SMIM31: variants seen among roughly 807,000 people sequenced by gnomAD.
The protein encoded by SMIM31 is small integral membrane protein 31.
chr4:164,769,454 T>G (rs1440621813), intron 1 of SMIM31, among the ~76,000 whole-genome samples: 1 of 151,740 alleles, frequency 6.6e-6, no homozygotes, highest in East Asian at 1.9e-4. Context: ...GGGACATGGA[T>G]GAAGCTGGAA....
rs1391474941 is a variant in SMIM31 at position 164,803,346 on chromosome 4, G to A, written c.*2152G>A. ...CAAGCTACTCACAAGGCTGAGGCAG[G>A]AGGATCGCTTGAGCCTGGGAGTTTG... On this transcript the variant is annotated 3_prime_UTR_variant, in exon 3 of 3. Coordinates refer to ENST00000507311, the MANE Select transcript of SMIM31 (RefSeq NM_001352885.1). 6.6e-6 allele frequency: 1 copy of A among 152,372 alleles called. No individual in the cohort carries two copies. Among genetic ancestry groups the A allele is most frequent in the Admixed American group, 6.5e-5 (1 of 15,280 alleles). The allele number at this position is 152,372 out of a possible 1,614,324, so 9.4% of individuals were successfully genotyped here. A position where few individuals can be genotyped will look rare whatever the true frequency, so the allele number is the denominator to read the frequency against.
In SMIM31 at chr4:164,761,985, G is replaced by A. The variant is rs186872476; in HGVS notation, c.-26+7574G>A. ...AATAATCAGGTCTCTGATGCTTTGC[G>A]TTGCCTCCCACTTCCAGAGCTCCTG... On this transcript the variant is annotated intron_variant, in intron 1 of 2. Transcript: ENST00000507311. Among the ~76,000 whole-genome samples the A allele has an allele frequency of 3.9e-4, 60 of 152,082 alleles. No homozygotes were observed. The Middle Eastern group carries it at 0.01, about 26-fold the overall frequency.
At chr4:164,763,321 A>G (rs184712794) in intron 1 of SMIM31, among the ~76,000 whole-genome samples, 19 of 152,322 alleles carry the variant, frequency 1.2e-4, no homozygotes, top group African/African-American at 4.6e-4. Flanking sequence ...ATAATCACAA[A>G]AATAACTGGA....
intron 2 of SMIM31, among the ~76,000 whole-genome samples, chr4:164,772,305 C>CA (rs1400374544): frequency 1.3e-5 from 2 of 152,078 alleles, no homozygotes; most frequent in African/African-American, 4.8e-5. Flanking sequence ...ACGATAGCAC[C>CA]AAGGGACATG....
chr4:164,755,518 A>G (rs1288771919), intron 1 of SMIM31, among the ~76,000 whole-genome samples: 5 of 72,040 alleles, frequency 6.9e-5, no homozygotes, highest in African/African-American at 2.9e-4. Flanking sequence ...GGGGGAGGAG[A>G]GGGGAAGGGA....
rs1733282355 is a variant in SMIM31, at chr4:164,801,435, A to T, written c.*241A>T. On this transcript the variant is annotated 3_prime_UTR_variant, in exon 3 of 3. Coordinates refer to ENST00000507311, the MANE Select transcript of SMIM31 (RefSeq NM_001352885.1). Reference sequence around the variant, plus strand: ...CACCATTCTAGCTGCAATTGATTATACAAAAAAAAAAAGACCAAAGTGGTT... The same window carrying T: ...CACCATTCTAGCTGCAATTGATTATTCAAAAAAAAAAAGACCAAAGTGGTT... The T allele has an allele frequency of 3.1e-6, 1 of 324,560 alleles. No homozygotes were observed. The highest frequency in any genetic ancestry group is 5.5e-6 in the Non-Finnish European group (1 of 180,652). The allele number at this position is 324,560 out of a possible 1,614,324, so 20.1% of individuals were successfully genotyped here. A position where few individuals can be genotyped will look rare whatever the true frequency, so the allele number is the denominator to read the frequency against.
intron 1 of SMIM31, among the ~76,000 whole-genome samples, chr4:164,760,611 G>T (rs1463043726): frequency 1.3e-5 from 2 of 151,504 alleles, no homozygotes; most frequent in Non-Finnish European, 2.9e-5. Context: ...GTGGTGGTGG[G>T]CGCCTGTAAT....
intron 2 of SMIM31, among the ~76,000 whole-genome samples, chr4:164,798,350 C>T (rs968288193): frequency 2.0e-5 from 3 of 151,998 alleles, no homozygotes; most frequent in African/African-American, 4.8e-5. Flanking sequence ...TCTCCTGCCT[C>T]AGCCTCCTGA....
chr4:164,756,863 G>A (rs1732569579), intron 1 of SMIM31, among the ~76,000 whole-genome samples: 1 of 151,988 alleles, frequency 6.6e-6, no homozygotes, highest in Non-Finnish European at 1.5e-5. Context: ...TCCAATTCTT[G>A]GCTAGTATGA....
At chr4:164,782,356 A>C in intron 2 of SMIM31, among the ~76,000 whole-genome samples, 1 of 147,706 alleles carries the variant, frequency 6.8e-6, no homozygotes, top group African/African-American at 2.5e-5. Context: ...CCTATAAAAC[A>C]CTACTTTATC....
At chr4:164,761,425 C>G (rs957365214) in intron 1 of SMIM31, among the ~76,000 whole-genome samples, 3 of 152,216 alleles carry the variant, frequency 2.0e-5, no homozygotes, top group South Asian at 4.1e-4. Flanking sequence ...AGTTTCTGCC[C>G]TTTGAAACCT....
intron 2 of SMIM31, among the ~76,000 whole-genome samples, chr4:164,788,121 T>C (rs1049690552): frequency 6.6e-6 from 1 of 152,176 alleles, no homozygotes; most frequent in African/African-American, 2.4e-5. Flanking sequence ...GGAAAATAAA[T>C]ATCGTCAGCA....
At chr4:164,782,377 ATTTT>A (rs760284575) in intron 2 of SMIM31, among the ~76,000 whole-genome samples, 2 of 98,672 alleles carry the variant, frequency 2.0e-5, no homozygotes, top group Non-Finnish European at 1.7e-5. Context: ...TCTTTCTTTT[ATTTT>A]TTTTTTTTTT....
At chr4:164,799,762 T>C (rs1486045136) in intron 2 of SMIM31, among the ~76,000 whole-genome samples, 2 of 152,242 alleles carry the variant, frequency 1.3e-5, no homozygotes, top group East Asian at 3.8e-4. Flanking sequence ...CAAAACGCAG[T>C]GATCTTTGTC....
chr4:164,761,025 C>T (rs1476264322), intron 1 of SMIM31, among the ~76,000 whole-genome samples: 2 of 152,162 alleles, frequency 1.3e-5, no homozygotes, highest in Admixed American at 6.6e-5. Flanking sequence ...AGAAATATTA[C>T]ATATTTTCTC....
At chr4:164,787,367 A>T (rs1165115281) in intron 2 of SMIM31, 1 of 152,168 alleles carries the variant, frequency 6.6e-6, no homozygotes, top group Non-Finnish European at 1.5e-5. Context: ...CAAGGATGAC[A>T]TGCAAATTCA....
intron 2 of SMIM31, among the ~76,000 whole-genome samples, chr4:164,795,931 G>C (rs1333386917): frequency 1.3e-5 from 2 of 152,028 alleles, no homozygotes; most frequent in Non-Finnish European, 2.9e-5. Flanking sequence ...CTGATCACAG[G>C]TCACCAGACA....
At chr4:164,784,989 C>T (rs1208307738) in intron 2 of SMIM31, among the ~76,000 whole-genome samples, 1 of 150,842 alleles carries the variant, frequency 6.6e-6, no homozygotes, top group African/African-American at 2.4e-5. Context: ...TTTGGGAGGC[C>T]GAGGCGGGCG....
chr4:164,769,020 C>G (rs1732758825), intron 1 of SMIM31, among the ~76,000 whole-genome samples: 2 of 152,190 alleles, frequency 1.3e-5, no homozygotes, highest in Non-Finnish European at 2.9e-5. Context: ...TGTCTCCCCT[C>G]TTTCTCCCTG....
Sources: allele counts gnomAD v4.1 joint callset (sites outside exome capture counted in the v4.1 genomes callset), GRCh38; gene constraint gnomAD v4.1.1; transcripts MANE v1.5; gene names NCBI Gene and HGNC (gene_info 2026-07-23, HGNC 2026-07-21).